Variants in MLPH observed in about 807,000 individuals in gnomAD.
The protein encoded by MLPH is melanophilin, also known as exophilin-3.
A neutral mutation model predicts 72.1 loss-of-function variants in MLPH; 51 were observed. The ratio of observed to expected loss-of-function variants is 0.71; its 90% CI spans 0.56 to 0.89. MLPH has a LOEUF of 0.89. Among genes scored for constraint, MLPH ranks in the 40% least tolerant of loss-of-function variants. MLPH has a pLI of 0.00. For missense variants in MLPH, 743 were observed against 759.9 expected (o/e 0.98, Z 0.26); for synonymous variants, 301 against 310.1 (o/e 0.97, Z 0.31).
chr2:237,549,154 C>G (rs773996502), intron 13 of MLPH, 67 bp from the exon 14 acceptor site: 13 of 1,478,138 alleles, frequency 8.8e-6, no homozygotes, highest in Non-Finnish European at 1.2e-5. Flanking sequence ...ATAAGAAATC[C>G]AAAATTAGTT....
chr2:237,552,949 G>A (rs1053136948), intron 15 of MLPH: 27 of 367,968 alleles, frequency 7.3e-5, no homozygotes, highest in Admixed American at 5.6e-4. Flanking sequence ...TTACCACAAC[G>A]AAAGCGCAGA....
intron 2 of MLPH, among the ~76,000 whole-genome samples, chr2:237,506,099 C>T (rs563297516): frequency 7.4e-4 from 113 of 152,268 alleles, no homozygotes; most frequent in Non-Finnish European, 1.2e-3. Flanking sequence ...AACCTTTGGG[C>T]CTCAGGACCC....
At chr2:237,527,237 C>T in intron 7 of MLPH, 140 bp from the exon 8 acceptor site, 2 of 1,049,482 alleles carry the variant, frequency 1.9e-6, no homozygotes, top group Non-Finnish European at 2.9e-6. Context: ...CTTATTGTGA[C>T]TTTGGAACCT....
intron 2 of MLPH, among the ~76,000 whole-genome samples, chr2:237,509,635 C>T (rs574041253): frequency 1.3e-5 from 2 of 152,268 alleles, no homozygotes; most frequent in Admixed American, 6.5e-5. Context: ...GACCCTTTTT[C>T]TCTTGGTTTT....
At chr2:237,497,242 A>G (rs2079554102) in intron 2 of MLPH, among the ~76,000 whole-genome samples, 1 of 152,182 alleles carries the variant, frequency 6.6e-6, no homozygotes, top group African/African-American at 2.4e-5. Flanking sequence ...CCTGCCGTGC[A>G]ATTCGGTTCC....
At chr2:237,495,020 C>T (rs1049425734) in intron 2 of MLPH, among the ~76,000 whole-genome samples, 5 of 152,212 alleles carry the variant, frequency 3.3e-5, no homozygotes, top group African/African-American at 7.2e-5. Context: ...ACCCATCTCT[C>T]GGCCTTTTCC....
Position 237,541,062 on chromosome 2 carries a change from A to G in MLPH, c.1446+105A>G. ...CTCTAACATCCGCCAGCTCACACTG[A>G]GCCCTCCCCATTGGCCCAGCATGCA... On this transcript the variant is annotated intron_variant, in intron 11 of 15. Transcript: ENST00000264605. The surrounding 1 kb of genome is among the most constrained non-coding windows in gnomAD (Gnocchi z 5.1). 7.0e-7 allele frequency: 1 copy of G among 1,425,188 alleles called. No individual in the cohort carries two copies. The allele number at this position is 1,425,188 out of a possible 1,614,324, so 88.3% of individuals were successfully genotyped here. A position where few individuals can be genotyped will look rare whatever the true frequency, so the allele number is the denominator to read the frequency against.
At chr2:237,550,203 T>C (rs1433647689) in intron 14 of MLPH, among the ~76,000 whole-genome samples, 1 of 152,182 alleles carries the variant, frequency 6.6e-6, no homozygotes, top group African/African-American at 2.4e-5. Context: ...GGGCCAAGTA[T>C]GAAGCCTCTC....
intron 2 of MLPH, among the ~76,000 whole-genome samples, chr2:237,503,343 G>T (rs145074814): frequency 6.6e-6 from 1 of 152,120 alleles, no homozygotes; most frequent in Non-Finnish European, 1.5e-5. Flanking sequence ...AGCGCCTGCC[G>T]TTCTCACATC....
At chr2:237,500,727 C>T (rs925311671) in intron 2 of MLPH, among the ~76,000 whole-genome samples, 1 of 152,054 alleles carries the variant, frequency 6.6e-6, no homozygotes, top group Admixed American at 6.5e-5. Context: ...AGGCTGTTGC[C>T]AAAGTTAAGT....
At position 237,545,595 on chromosome 2, in the gene MLPH, A is replaced by T. The variant is rs1449940474; in HGVS notation, c.1540-1011A>T. ...TTAGTCCGCCGCCACGTGAAGATGG[A>T]TGTGACTAGAACGGAGGGCGCGGGA... On this transcript the variant is annotated intron_variant, in intron 12 of 15. Coordinates refer to ENST00000264605, the MANE Select transcript of MLPH (RefSeq NM_024101.7). 7.0e-6 allele frequency: 9 copies of T among 1,287,382 alleles called. 1 individual carries two copies. In the Middle Eastern group the frequency reaches 1.2e-3, roughly 168 times the overall value. 79.7% of individuals were successfully genotyped at this position (1,287,382 alleles called of 1,614,324 possible).
chr2:237,502,565 A>C (rs985784723), intron 2 of MLPH, among the ~76,000 whole-genome samples: 2 of 152,224 alleles, frequency 1.3e-5, no homozygotes, highest in African/African-American at 4.8e-5. Context: ...GATATTCTCC[A>C]AACCCAGGAA....
chr2:237,506,230 T>C (rs530771057), intron 2 of MLPH, among the ~76,000 whole-genome samples: 8 of 152,234 alleles, frequency 5.3e-5, no homozygotes, highest in Non-Finnish European at 1.0e-4. Flanking sequence ...TATTCACTCA[T>C]TTAAAAATAA....
At chr2:237,518,304 T>G in intron 4 of MLPH, 1 of 609,396 alleles carries the variant, frequency 1.6e-6, no homozygotes. Flanking sequence ...AGTGGATAAA[T>G]GGGTGGGTGG....
chr2:237,499,548 G>A (rs1417806449), intron 2 of MLPH, among the ~76,000 whole-genome samples: 1 of 152,116 alleles, frequency 6.6e-6, no homozygotes, highest in African/African-American at 2.4e-5. Context: ...AGGGTTACAG[G>A]AGAGAAGAAC....
chr2:237,540,740 A>C, intron 10 of MLPH, 62 bp from the exon 11 acceptor site: 1 of 1,598,598 alleles, frequency 6.3e-7, no homozygotes, highest in Non-Finnish European at 8.5e-7. Flanking sequence ...GTGAGTCCCC[A>C]TCTGGGTGAA....
chr2:237,503,749 C>G (rs1463795), intron 2 of MLPH, among the ~76,000 whole-genome samples: 60,808 of 151,976 alleles, frequency 0.4, 17,793 homozygotes, highest in African/African-American at 0.83. Flanking sequence ...GTTCCACTTG[C>G]CTGGGAGTAC....
chr2:237,548,063 C>T (rs1340440517), intron 13 of MLPH, among the ~76,000 whole-genome samples: 2 of 152,206 alleles, frequency 1.3e-5, no homozygotes, highest in African/African-American at 4.8e-5. Flanking sequence ...GTTTACAGCA[C>T]CCAGCGGGTA....
At chr2:237,488,489 AC>A (rs1484185433) in intron 1 of MLPH, among the ~76,000 whole-genome samples, 1 of 151,962 alleles carries the variant, frequency 6.6e-6, no homozygotes, top group Non-Finnish European at 1.5e-5. Context: ...GATTCAGCTG[AC>A]CTCAGTAAGG....
Sources: allele counts gnomAD v4.1 joint callset (sites outside exome capture counted in the v4.1 genomes callset), GRCh38; gene constraint gnomAD v4.1.1; non-coding constraint Gnocchi (gnomAD v3.1); transcripts MANE v1.5; gene names NCBI Gene and HGNC (gene_info 2026-07-23, HGNC 2026-07-21).